MYT1L: variants seen among roughly 807,000 people sequenced by gnomAD.
MYT1L encodes the protein myelin transcription factor 1 like, also known as myelin transcription factor 1-like protein.
A neutral mutation model predicts 126.7 loss-of-function variants in MYT1L; 12 were observed. That is an observed-to-expected ratio of 0.09 (90% CI 0.06 to 0.15). The LOEUF (loss-of-function observed/expected upper bound fraction) is 0.15, where lower values mean the gene tolerates loss of function less well. Ranked by LOEUF, MYT1L falls within the 10% of genes least tolerant of loss-of-function variation. The pLI is 1.00. For synonymous variants in MYT1L, 541 were observed against 604.2 expected (o/e 0.90, Z 1.53); for missense variants, 979 against 1,585.2 (o/e 0.62, Z 6.49).
intron 9 of MYT1L, among the ~76,000 whole-genome samples, chr2:1,923,765 C>T (rs1325807296): frequency 6.6e-6 from 1 of 152,078 alleles, no homozygotes; most frequent in African/African-American, 2.4e-5. Flanking sequence ...ACACAGAGGA[C>T]AGCCTCAGGT....
intron 14 of MYT1L, among the ~76,000 whole-genome samples, chr2:1,896,664 G>A (rs2049614256): frequency 6.6e-6 from 1 of 152,102 alleles, no homozygotes. Flanking sequence ...CATAAACATG[G>A]GAACAATCGA....
chr2:2,155,334 G>A (rs1032284867), intron 3 of MYT1L, among the ~76,000 whole-genome samples: 2 of 152,166 alleles, frequency 1.3e-5, no homozygotes, highest in African/African-American at 4.8e-5. Context: ...CAAAGCCTCT[G>A]CCTTTCTGAA....
chr2:2,115,167 C>T (rs1477963774), intron 3 of MYT1L, among the ~76,000 whole-genome samples: 1 of 152,218 alleles, frequency 6.6e-6, no homozygotes, highest in Admixed American at 6.5e-5. Context: ...GATCACTCTC[C>T]ATCTGCTTTA....
chr2:1,950,466 A>T (rs1309313577), intron 8 of MYT1L, among the ~76,000 whole-genome samples: 1 of 152,104 alleles, frequency 6.6e-6, no homozygotes, highest in Non-Finnish European at 1.5e-5. Context: ...CCTGCCAGAG[A>T]GGACAGAGGA....
At chr2:2,006,153 TTC>T (rs779333210) in intron 4 of MYT1L, among the ~76,000 whole-genome samples, 5 of 152,236 alleles carry the variant, frequency 3.3e-5, no homozygotes, top group Non-Finnish European at 7.3e-5. Context: ...CACTCATGGC[TTC>T]TTTCTTTTGC....
intron 8 of MYT1L, among the ~76,000 whole-genome samples, chr2:1,977,350 C>A (rs1025075437): frequency 1.5e-4 from 23 of 152,184 alleles, no homozygotes; most frequent in African/African-American, 5.3e-4. Context: ...TCCACACACA[C>A]ATTACATGGG....
At chr2:1,971,818 T>G (rs1439358880) in intron 8 of MYT1L, among the ~76,000 whole-genome samples, 3 of 152,120 alleles carry the variant, frequency 2.0e-5, no homozygotes, top group Non-Finnish European at 4.4e-5. Context: ...GCCTGAATTT[T>G]GTGTCTGCAA....
chr2:1,995,308 G>C (rs966019997), intron 5 of MYT1L, among the ~76,000 whole-genome samples: 4 of 152,206 alleles, frequency 2.6e-5, no homozygotes, highest in African/African-American at 7.2e-5. Context: ...ACGCTGCTAT[G>C]TGCCCAGTGC....
intron 1 of MYT1L, among the ~76,000 whole-genome samples, chr2:2,293,897 G>A (rs527463097): frequency 5.3e-5 from 8 of 152,312 alleles, no homozygotes; most frequent in Admixed American, 2.6e-4. Flanking sequence ...AGCCTGCTCC[G>A]TGCTTGGCGC....
chr2:2,250,613 G>C (rs967597966), intron 2 of MYT1L, among the ~76,000 whole-genome samples: 2 of 147,634 alleles, frequency 1.4e-5, no homozygotes, highest in Non-Finnish European at 3.0e-5. Flanking sequence ...GCACAACAAA[G>C]AGACTATAGT....
Position 1,801,939 on chromosome 2 carries a change from A to G in MYT1L, c.3173-140T>C, listed in dbSNP as rs529427090. 2 of 582,618 alleles carry G rather than the reference A, an allele frequency of 3.4e-6. No homozygotes were observed. The highest frequency in any genetic ancestry group is 3.8e-5 in the African/African-American group (2 of 52,616). 36.1% of individuals were successfully genotyped at this position (582,618 alleles called of 1,614,324 possible). A position where few individuals can be genotyped will look rare whatever the true frequency, so the allele number is the denominator to read the frequency against. On this transcript the variant is annotated intron_variant, in intron 22 of 24. Coordinates refer to ENST00000647738, the MANE Select transcript of MYT1L (RefSeq NM_001303052.2). This position sits in a 1 kb window ranked among gnomAD's most constrained non-coding sequence, Gnocchi z 4.2. ...AGACTCTTGAATTAGAAAGGAAAAAATCATCACAATCTCTGTGTCTTTCTA... is the reference window on the plus strand; with the variant it reads ...AGACTCTTGAATTAGAAAGGAAAAAGTCATCACAATCTCTGTGTCTTTCTA...
At chr2:1,921,644 G>T (rs914980598) in intron 10 of MYT1L, among the ~76,000 whole-genome samples, 4 of 152,168 alleles carry the variant, frequency 2.6e-5, no homozygotes, top group Middle Eastern at 3.2e-3. Flanking sequence ...ATATCCTAAA[G>T]AAATTGCTAT....
At position 1,979,707 on chromosome 2, in the gene MYT1L, G is replaced by T. The variant is rs2060456317; in HGVS notation, c.55+16C>A. ...ACCCTGAGCCGGCCTCAGGATGCAG[G>T]GAAGCGCGGACATACCTCGAACCCC... On this transcript the variant is annotated intron_variant, in intron 6 of 24. Coordinates refer to ENST00000647738, the MANE Select transcript of MYT1L (RefSeq NM_001303052.2). This position sits in a 1 kb window ranked among gnomAD's most constrained non-coding sequence, Gnocchi z 4.0. 1.2e-6 allele frequency: 2 copies of T among 1,613,876 alleles called. No individual in the cohort carries two copies. The highest frequency in any genetic ancestry group is 1.7e-6 in the Non-Finnish European group (2 of 1,179,898).
At chr2:2,211,816 A>AC (rs2093523795) in intron 2 of MYT1L, among the ~76,000 whole-genome samples, 1 of 149,666 alleles carries the variant, frequency 6.7e-6, no homozygotes, top group Non-Finnish European at 1.5e-5. Flanking sequence ...AAAAAAAAAA[A>AC]AAAAACCAAA....
chr2:2,109,572 C>A (rs2150560087), intron 3 of MYT1L, among the ~76,000 whole-genome samples: 1 of 152,098 alleles, frequency 6.6e-6, no homozygotes, highest in African/African-American at 2.4e-5. Flanking sequence ...AAAAAAACCA[C>A]TGGTATAAAA....
rs139443552 is a variant in MYT1L at position 2,297,544 on chromosome 2, T to C, written c.-520-13041A>G. Among the ~76,000 whole-genome samples, 88 of 152,296 alleles carry C rather than the reference T, an allele frequency of 5.8e-4. 1 individual carries two copies. Among genetic ancestry groups the C allele is most frequent in the African/African-American group, 2.1e-3 (87 of 41,580 alleles). On this transcript the variant is annotated intron_variant, in intron 1 of 24. Transcript: ENST00000647738. ...ATGGCGTTCATACTTATTTCATACATAAAACCCCCAGAGACAGATTTTAAG... is the reference window on the plus strand; with the variant it reads ...ATGGCGTTCATACTTATTTCATACACAAAACCCCCAGAGACAGATTTTAAG...
chr2:2,002,698 CCTTGAATTGTAAT>C (rs769047410), intron 4 of MYT1L, among the ~76,000 whole-genome samples: 10 of 152,126 alleles, frequency 6.6e-5, no homozygotes, highest in Non-Finnish European at 1.0e-4. Context: ...CCAAATCTCA[CCTTGAATTGTAAT>C]CTTGAATTGT....
chr2:2,019,556 A>T (rs530242957), intron 4 of MYT1L, among the ~76,000 whole-genome samples: 3 of 152,302 alleles, frequency 2.0e-5, no homozygotes, highest in Non-Finnish European at 4.4e-5. Context: ...ATACATAAAT[A>T]TATTCTCAGT....
At chr2:2,232,078 C>A (rs760452776) in intron 2 of MYT1L, among the ~76,000 whole-genome samples, 1 of 152,182 alleles carries the variant, frequency 6.6e-6, no homozygotes, top group South Asian at 2.1e-4. Context: ...AATATCCCTG[C>A]GACAGAGAAC....
Sources: allele counts gnomAD v4.1 joint callset (sites outside exome capture counted in the v4.1 genomes callset), GRCh38; gene constraint gnomAD v4.1.1; non-coding constraint Gnocchi (gnomAD v3.1); transcripts MANE v1.5; gene names NCBI Gene and HGNC (gene_info 2026-07-23, HGNC 2026-07-21).